Variants in ATRX observed in about 807,000 individuals in gnomAD.
The protein encoded by ATRX is ATRX chromatin remodeler, also known as chromatin remodeler ATRX.
In ATRX, 12 loss-of-function variants were observed where a neutral mutation model predicts 172.6. The ratio of observed to expected loss-of-function variants is 0.07; its 90% CI spans 0.04 to 0.11. The LOEUF is 0.11. Ranked by LOEUF, ATRX falls within the 10% of genes least tolerant of loss-of-function variation. ATRX has a pLI of 1.00. For missense variants in ATRX, 1,368 were observed against 1,767.4 expected (o/e 0.77, Z 4.05); for synonymous variants, 674 against 594.7 (o/e 1.13, Z -1.94).
chrX:77,693,208 T>C (rs892834789), intron 6 of ATRX, among the ~76,000 whole-genome samples: 17 of 111,195 alleles, frequency 1.5e-4, no homozygotes, highest in South Asian at 1.2e-3. Flanking sequence ...TAAGGGAAGA[T>C]AGACAGACAA....
chrX:77,524,282 C>G (rs1959201629), intron 30 of ATRX, among the ~76,000 whole-genome samples: 1 of 112,051 alleles, frequency 8.9e-6, no homozygotes, highest in African/African-American at 3.2e-5. Flanking sequence ...AATTAATTCA[C>G]TTTACAGAAG....
Position 77,540,135 on chromosome X carries a change from T to C in ATRX, c.6700-16734A>G, listed in dbSNP as rs1347661003. The stretch of plus-strand genomic sequence containing the variant: ...GATAGAGGAATATTTACCAAGCAAA[T>C]GGAAAGCAAAAAAAAGCAGGAGTTG... On this transcript the variant is annotated intron_variant, in intron 30 of 34. Coordinates refer to ENST00000373344, the MANE Select transcript of ATRX (RefSeq NM_000489.6). 3.6e-5 allele frequency among the ~76,000 whole-genome samples: 4 copies of C among 110,230 alleles called. 1 individual carries two copies. Among genetic ancestry groups the C allele is most frequent in the Middle Eastern group, 8.5e-3 (2 of 234 alleles).
rs2148642322 is a variant in ATRX, at chrX:77,684,944, T to C, written c.657A>G (p.Gln219=). 8.3e-7 allele frequency: 1 copy of C among 1,199,189 alleles called. No individual in the cohort carries two copies. The highest frequency in any genetic ancestry group is 1.1e-6 in the Non-Finnish European group (1 of 883,945). Residue 219 remains glutamine (Q), a synonymous_variant, in exon 8 of 35, where the codon CAA becomes CAG. Transcript: ENST00000373344. The part of the protein sequence containing the change: ...ISRDSDGMDE[Q]CRWCAEGGNL... ...AGCTCATCTATATTACCTACCTACA[T>C]TGTTCATCCATTCCATCTGAGTCAC...
chrX:77,526,167 T>C (rs868974407), intron 30 of ATRX, among the ~76,000 whole-genome samples: 1 of 111,849 alleles, frequency 8.9e-6, no homozygotes, highest in Middle Eastern at 4.6e-3. Flanking sequence ...GCAGTGATGA[T>C]TCTATCACAC....
chrX:77,559,723 C>G (rs1474441102), intron 28 of ATRX, among the ~76,000 whole-genome samples: 1 of 110,009 alleles, frequency 9.1e-6, no homozygotes, highest in Non-Finnish European at 1.9e-5. Context: ...TCCCAAAGTG[C>G]TGGGATTACA....
intron 15 of ATRX, among the ~76,000 whole-genome samples, chrX:77,644,547 C>T (rs797028278): frequency 2.7e-5 from 3 of 110,785 alleles, no homozygotes; most frequent in South Asian, 7.6e-4. Context: ...CAAACCTGCA[C>T]ATTGTGCACA....
intron 15 of ATRX, among the ~76,000 whole-genome samples, chrX:77,647,313 GAAGA>G (rs2068968626): frequency 8.9e-6 from 1 of 111,977 alleles, no homozygotes; most frequent in Non-Finnish European, 1.9e-5. Flanking sequence ...CAGTAGAAAA[GAAGA>G]AAGATCACAA....
In ATRX at chrX:77,726,184, T is replaced by C. The variant is rs187815270; in HGVS notation, c.21-8941A>G. ...AAGACTCACACACATGTATGTTTAT[T>C]GCAGCACTATTCACAATAGCAAAGA... On this transcript the variant is annotated intron_variant, in intron 1 of 34. Transcript: ENST00000373344. Among the ~76,000 whole-genome samples the C allele has an allele frequency of 2.2e-3, 248 of 111,073 alleles. 1 individual carries two copies. The highest frequency in any genetic ancestry group is 8.1e-3 in the African/African-American group (246 of 30,539).
intron 1 of ATRX, among the ~76,000 whole-genome samples, chrX:77,759,923 T>C (rs1409660708): frequency 2.7e-5 from 3 of 111,043 alleles, no homozygotes; most frequent in Admixed American, 9.7e-5. Context: ...CAGTTCCATA[T>C]GTGGTCAATA....
chrX:77,532,884 A>C (rs2063624770), intron 30 of ATRX, among the ~76,000 whole-genome samples: 2 of 112,317 alleles, frequency 1.8e-5, no homozygotes, highest in African/African-American at 6.5e-5. Flanking sequence ...AAACGTTTGC[A>C]ATCTATCTAT....
intron 12 of ATRX, among the ~76,000 whole-genome samples, chrX:77,661,207 T>G (rs1299267437): frequency 8.9e-6 from 1 of 112,228 alleles, no homozygotes; most frequent in Non-Finnish European, 1.9e-5. Context: ...ATTGATAATG[T>G]GCACTTCTTT....
intron 11 of ATRX, 102 bp downstream of exon 11, chrX:77,664,543 G>A (rs1557124974): frequency 5.4e-5 from 59 of 1,099,711 alleles, no homozygotes; most frequent in South Asian, 3.7e-5. Context: ...GAGCCACCAC[G>A]CCGGGCCATA....
At chrX:77,518,792 G>A (rs2063135603) in intron 34 of ATRX, among the ~76,000 whole-genome samples, 1 of 111,770 alleles carries the variant, frequency 8.9e-6, no homozygotes, top group South Asian at 3.7e-4. Flanking sequence ...CATGGTACTG[G>A]CATAAAAACA....
intron 30 of ATRX, among the ~76,000 whole-genome samples, chrX:77,536,841 ACACACACACACACGCACGTG>A (rs2063763871): frequency 9.0e-6 from 1 of 110,528 alleles, no homozygotes; most frequent in African/African-American, 3.3e-5. Flanking sequence ...ATATATACTT[ACACACACACACACGCACGTG>A]CACACACACC....
At chrX:77,579,697 C>T (rs782416429) in intron 27 of ATRX, among the ~76,000 whole-genome samples, 2 of 111,687 alleles carry the variant, frequency 1.8e-5, no homozygotes, top group Non-Finnish European at 3.8e-5. Context: ...ATGACAGGTA[C>T]AAACAAGCCC....
At chrX:77,690,807 T>C (rs1569540096) in intron 6 of ATRX, 1 of 112,548 alleles carries the variant, frequency 8.9e-6, no homozygotes, top group Non-Finnish European at 1.9e-5. Context: ...ACTTACTAAG[T>C]ATCTTCTATG....
intron 16 of ATRX, 23 bp from the exon 17 acceptor site, chrX:77,634,726 G>A: frequency 8.6e-7 from 1 of 1,169,481 alleles, no homozygotes; most frequent in Non-Finnish European, 1.2e-6. Flanking sequence ...GCTTCATTAA[G>A]TTAAATTTAA....
chrX:77,648,850 A>C (rs782750388), intron 15 of ATRX, among the ~76,000 whole-genome samples: 2 of 111,511 alleles, frequency 1.8e-5, no homozygotes, highest in African/African-American at 3.3e-5. Flanking sequence ...AAAAGAAAAG[A>C]TCTAAATAGT....
At chrX:77,640,310 C>A (rs141824733) in intron 15 of ATRX, among the ~76,000 whole-genome samples, 1,620 of 110,404 alleles carry the variant, frequency 0.015, 20 homozygotes, top group Non-Finnish European at 0.022. Context: ...TGTACCCCCC[C>A]ACCCCGTATC....
Sources: allele counts gnomAD v4.1 joint callset (sites outside exome capture counted in the v4.1 genomes callset), GRCh38; gene constraint gnomAD v4.1.1; transcripts MANE v1.5; gene names NCBI Gene and HGNC (gene_info 2026-07-23, HGNC 2026-07-21).